Variants in OR9Q1 observed in about 807,000 individuals in gnomAD.
OR9Q1 encodes olfactory receptor family 9 subfamily Q member 1, also known as olfactory receptor 9Q1.
For missense variants in OR9Q1, 374 were observed against 378.8 expected (o/e 0.99, Z 0.11); for synonymous variants, 153 against 148.6 (o/e 1.03, Z -0.22).
intron 2 of OR9Q1, among the ~76,000 whole-genome samples, chr11:58,065,635 C>T (rs1853421734): frequency 2.0e-5 from 3 of 152,100 alleles, no homozygotes; most frequent in Non-Finnish European, 4.4e-5. Flanking sequence ...TGTGAATGTG[C>T]CCATGAAGAT....
At chr11:58,058,124 A>C (rs915642344) in intron 2 of OR9Q1, among the ~76,000 whole-genome samples, 2 of 152,142 alleles carry the variant, frequency 1.3e-5, no homozygotes, top group African/African-American at 4.8e-5. Flanking sequence ...CTTCTTGGCC[A>C]CTCACCTGAG....
chr11:58,113,004 A>T (rs1334752914), intron 2 of OR9Q1, among the ~76,000 whole-genome samples: 1 of 151,994 alleles, frequency 6.6e-6, no homozygotes, highest in Non-Finnish European at 1.5e-5. Context: ...GTTGGAGAGG[A>T]CCTTGGTGAT....
At chr11:58,132,993 A>G (rs939061293) in intron 2 of OR9Q1, among the ~76,000 whole-genome samples, 1 of 152,146 alleles carries the variant, frequency 6.6e-6, no homozygotes, top group African/African-American at 2.4e-5. Flanking sequence ...TGTGAGTTAC[A>G]GGTGCTGAAG....
intron 2 of OR9Q1, among the ~76,000 whole-genome samples, chr11:58,120,931 C>CA (rs1193292698): frequency 6.6e-6 from 1 of 151,174 alleles, no homozygotes; most frequent in African/African-American, 2.4e-5. Flanking sequence ...ACCCCCTTAA[C>CA]AAAAAAATCA....
intron 2 of OR9Q1, among the ~76,000 whole-genome samples, chr11:58,130,602 G>A (rs931093088): frequency 1.1e-4 from 16 of 152,068 alleles, no homozygotes; most frequent in African/African-American, 3.9e-4. Context: ...GACCAGCCTG[G>A]CCTACATGGC....
rs182666648 is a variant in OR9Q1, at chr11:58,138,351, G to A, written c.-14-41080G>A. Among the ~76,000 whole-genome samples, 638 of 152,310 alleles carry A rather than the reference G, an allele frequency of 4.2e-3. 2 individuals carry two copies. Among genetic ancestry groups the A allele is most frequent in the Non-Finnish European group, 6.9e-3 (469 of 68,030 alleles). On this transcript the variant is annotated intron_variant, in intron 2 of 2. Coordinates refer to ENST00000335397, the MANE Select transcript of OR9Q1 (RefSeq NM_001005212.4). ...TAATGTTAAGCACAGTGAATTTGGA[G>A]ACGTTTATTGACTGTGGTCTTGGGA...
chr11:58,029,843 C>CTTT (rs58928895), intron 1 of OR9Q1, among the ~76,000 whole-genome samples: 37,384 of 138,874 alleles, frequency 0.27, 5,332 homozygotes, highest in East Asian at 0.61. Flanking sequence ...CTGCCTCCTC[C>CTTT]TTTTTTTTTT....
chr11:58,112,161 C>T (rs1240195548), intron 2 of OR9Q1, among the ~76,000 whole-genome samples: 1 of 152,014 alleles, frequency 6.6e-6, no homozygotes, highest in Non-Finnish European at 1.5e-5. Context: ...GGTGTGGTGG[C>T]CTGTGCTTGT....
Position 58,179,484 on chromosome 11 carries a change from C to T in OR9Q1, c.40C>T (p.Leu14Phe). 1.3e-6 allele frequency: 2 copies of T among 1,590,836 alleles called. No individual in the cohort carries two copies. The highest frequency in any genetic ancestry group is 2.3e-5 in the South Asian group (2 of 86,366). The change falls in exon 3 of 3, where the codon CTT (leucine) becomes TTT (phenylalanine). Residue 14 changes from leucine to phenylalanine, a missense_variant. Transcript: ENST00000335397. ...CCTCACCTTGGTGACCGAGTTCCTCCTTATTGCATTCACTGAATATCCTGA... is the reference window on the plus strand; with the variant it reads ...CCTCACCTTGGTGACCGAGTTCCTCTTTATTGCATTCACTGAATATCCTGA... ...MNLTLVTEFL[L>F]IAFTEYPEWA...
At chr11:58,100,530 GTTACACATGTTTACGCTTT>G (rs1254784652) in intron 2 of OR9Q1, among the ~76,000 whole-genome samples, 1 of 152,046 alleles carries the variant, frequency 6.6e-6, no homozygotes, top group African/African-American at 2.4e-5. Flanking sequence ...AGTATTTTAT[GTTACACATGTTTACGCTTT>G]ATGGTGTTTT....
intron 2 of OR9Q1, among the ~76,000 whole-genome samples, chr11:58,120,884 A>G (rs539675258): frequency 1.6e-3 from 248 of 150,316 alleles, no homozygotes; most frequent in African/African-American, 5.4e-3. Flanking sequence ...TAAGATGAAG[A>G]AATTATTCCC....
At chr11:58,107,652 G>T (rs1432189308) in intron 2 of OR9Q1, among the ~76,000 whole-genome samples, 1 of 152,016 alleles carries the variant, frequency 6.6e-6, no homozygotes, top group Non-Finnish European at 1.5e-5. Context: ...GGGTCAGTTG[G>T]TATTTCTGGT....
chr11:58,126,012 T>C (rs545315774), intron 2 of OR9Q1, among the ~76,000 whole-genome samples: 5 of 152,300 alleles, frequency 3.3e-5, no homozygotes, highest in African/African-American at 7.2e-5. Context: ...CCTGGCTGCA[T>C]TGTCTGCTCA....
intron 2 of OR9Q1, among the ~76,000 whole-genome samples, chr11:58,075,014 T>C (rs1183546762): frequency 6.6e-6 from 1 of 152,218 alleles, no homozygotes; most frequent in East Asian, 1.9e-4. Context: ...TGTAGCCTTG[T>C]AGTATAGTTT....
intron 2 of OR9Q1, among the ~76,000 whole-genome samples, chr11:58,116,415 T>C (rs1853955293): frequency 6.6e-6 from 1 of 152,224 alleles, no homozygotes; most frequent in Non-Finnish European, 1.5e-5. Context: ...ATTTTTTATT[T>C]CTAAAGGATT....
intron 1 of OR9Q1, chr11:58,030,980 C>A (rs772612832): frequency 1.2e-6 from 2 of 1,613,872 alleles, no homozygotes; most frequent in Non-Finnish European, 8.5e-7. Context: ...AAACTGGACC[C>A]AGGTAACTGA....
rs375794722 is a variant in OR9Q1, at chr11:58,087,747, G to C, written c.-15+31800G>C. 1.5e-3 allele frequency among the ~76,000 whole-genome samples: 221 copies of C among 150,712 alleles called. 5 individuals carry two copies. The highest frequency in any genetic ancestry group is 4.8e-3 in the African/African-American group (194 of 40,710). On this transcript the variant is annotated intron_variant, in intron 2 of 2. Coordinates refer to ENST00000335397, the MANE Select transcript of OR9Q1 (RefSeq NM_001005212.4). ...CACCCCCTGACAGGCCCCGGTGTGT[G>C]AGGTTCCCCTCCCTGTGTCCATATG...
At chr11:58,084,508 A>G (rs1360035826) in intron 2 of OR9Q1, among the ~76,000 whole-genome samples, 2 of 151,884 alleles carry the variant, frequency 1.3e-5, no homozygotes, top group Admixed American at 6.6e-5. Context: ...CTTCAGGCCA[A>G]TATCCCCTAT....
At chr11:58,161,908 C>A (rs1361087477) in intron 2 of OR9Q1, among the ~76,000 whole-genome samples, 1 of 152,138 alleles carries the variant, frequency 6.6e-6, no homozygotes, top group Non-Finnish European at 1.5e-5. Flanking sequence ...CCTTGTTTCT[C>A]CAGAAAGCAA....
Sources: gnomAD v4.1 joint callset for allele counts (sites outside exome capture counted in the v4.1 genomes callset) on GRCh38, gnomAD v4.1.1 for gene constraint, MANE v1.5 for transcripts, NCBI Gene and HGNC (gene_info 2026-07-23, HGNC 2026-07-21) for gene names.